Variants in DSP observed in about 807,000 individuals in gnomAD.
DSP encodes the protein desmoplakin.
DSP carries 114 observed loss-of-function variants against 290.6 expected under a neutral mutation model. The observed-to-expected ratio is 0.39, with a 90% CI of 0.34 to 0.46. The LOEUF (loss-of-function observed/expected upper bound fraction) is 0.46. Ranked by LOEUF, DSP falls within the 20% of genes least tolerant of loss-of-function variation. The pLI is 0.99. For missense variants in DSP, 3,230 were observed against 3,495.8 expected (o/e 0.92, Z 1.92); for synonymous variants, 1,311 against 1,316.4 (o/e 1.00, Z 0.09).
intron 1 of DSP, among the ~76,000 whole-genome samples, chr6:7,552,744 T>G (rs1758382405): frequency 6.6e-6 from 1 of 150,678 alleles, no homozygotes; most frequent in African/African-American, 2.4e-5. Flanking sequence ...TGTCAACTGA[T>G]CTCTAGAGAA....
chr6:7,553,632 A>G (rs185220494), intron 1 of DSP, among the ~76,000 whole-genome samples: 1 of 152,198 alleles, frequency 6.6e-6, no homozygotes, highest in African/African-American at 2.4e-5. Flanking sequence ...GTCAGTTGGA[A>G]TTCTGCACAA....
At position 7,574,723 on chromosome 6, in the gene DSP, A is replaced by G. The variant is rs1397865751; in HGVS notation, c.2364A>G (p.Glu788=). The G allele has an allele frequency of 3.1e-6, 5 of 1,614,062 alleles. No individual in the cohort carries two copies. Among genetic ancestry groups the G allele is most frequent in the Non-Finnish European group, 4.2e-6 (5 of 1,180,040 alleles). Residue 788 remains glutamate, a synonymous_variant, in exon 17 of 24, where the codon GAA becomes GAG. Coordinates refer to ENST00000379802, the MANE Select transcript of DSP (RefSeq NM_004415.4). ...CAGAAGACATGTTAAAGGTTTATGAAGCCAGGCTCACTGAGGAGGAAACTG... is the reference window on the plus strand; with the variant it reads ...CAGAAGACATGTTAAAGGTTTATGAGGCCAGGCTCACTGAGGAGGAAACTG... ...LQTEDMLKVY[E]ARLTEEETVC...
In DSP at chr6:7,581,182, G is replaced by C. The variant is rs772302453; in HGVS notation, c.4992G>C (p.Leu1664=). 79 of 1,614,222 alleles carry C rather than the reference G, an allele frequency of 4.9e-5. 1 individual carries two copies. In the South Asian group the frequency reaches 8.5e-4, roughly 17 times the overall value. ...LRRLSSEVEA[L]RRQLLQEQES... ...GGCTCTCTTCTGAGGTCGAGGCCCT[G>C]AGGCGGCAGTTACTCCAGGAACAGG... The change falls in exon 23 of 24, where the codon CTG becomes CTC. Residue 1664 remains leucine, a synonymous_variant. Coordinates refer to ENST00000379802, the MANE Select transcript of DSP (RefSeq NM_004415.4).
rs1429455523 is a variant in DSP, at chr6:7,571,391, A to C, written c.1710A>C (p.Thr570=). Reference sequence around the variant, plus strand: ...TGCCTGTCTCCTTTCAGCTGAAAACAATGCGGCAGGAAGATTACATGAAGA... The same window carrying C: ...TGCCTGTCTCCTTTCAGCTGAAAACCATGCGGCAGGAAGATTACATGAAGA... ...IRAMTIAKLK[T]MRQEDYMKTI... The change falls in exon 14 of 24, where the codon ACA becomes ACC. Residue 570 remains threonine, a synonymous_variant. Transcript: ENST00000379802. The C allele has an allele frequency of 6.2e-7, 1 of 1,614,206 alleles. No homozygotes were observed. The highest frequency in any genetic ancestry group is 1.7e-5 in the Admixed American group (1 of 60,022).
At chr6:7,567,545 G>A (rs1029350339) in intron 9 of DSP, 96 bp downstream of exon 9, 3 of 1,257,290 alleles carry the variant, frequency 2.4e-6, no homozygotes, top group African/African-American at 1.5e-5. Flanking sequence ...TCTTCAAAAT[G>A]TTGCATAAAT....
At chr6:7,572,138 A>T in intron 15 of DSP, 70 bp downstream of exon 15, 1 of 1,374,472 alleles carries the variant, frequency 7.3e-7, no homozygotes, top group South Asian at 1.3e-5. Context: ...AATAAAAAAA[A>T]TCCTGGTTTA....
In DSP at chr6:7,580,350, A is replaced by G; in HGVS notation, c.4160A>G (p.Asp1387Gly). 6.2e-7 allele frequency: 1 copy of G among 1,614,212 alleles called. No individual in the cohort carries two copies. The highest frequency in any genetic ancestry group is 8.5e-7 in the Non-Finnish European group (1 of 1,180,042). ...CAGCTCACCATGCAGAAGGAAGAGG[A>G]TACCAGTGGCTACCGGGCTCAGATA... is the stretch of plus-strand genomic sequence containing the variant. ...IHQLTMQKEE[D>G]TSGYRAQIDN... Residue 1387 changes from aspartate to glycine, a missense_variant, in exon 23 of 24, where the codon GAT becomes GGT. Around this residue, in one of 5 missense-constraint regions of DSP, gnomAD observed 1,714 missense variants for 1,844.5 expected, o/e 0.93. Coordinates refer to ENST00000379802, the MANE Select transcript of DSP (RefSeq NM_004415.4). This position sits in a 1 kb window ranked among gnomAD's most constrained non-coding sequence, Gnocchi z 4.2.
intron 7 of DSP, 140 bp from the exon 8 acceptor site, chr6:7,566,237 C>G: frequency 1.4e-6 from 1 of 739,710 alleles, no homozygotes; most frequent in South Asian, 1.5e-5. Flanking sequence ...TGCTGTGATT[C>G]TTGAGGAAAA....
chr6:7,559,533 T>G, intron 4 of DSP, 133 bp downstream of exon 4: 1 of 1,095,122 alleles, frequency 9.1e-7, no homozygotes. Flanking sequence ...TTTGCAGGAT[T>G]TTCCTCCTAT....
chr6:7,547,057 G>A (rs1758188977), intron 1 of DSP, among the ~76,000 whole-genome samples: 1 of 152,180 alleles, frequency 6.6e-6, no homozygotes, highest in Non-Finnish European at 1.5e-5. Context: ...TTCCAGACCA[G>A]GAGGTTCTAG....
In DSP at chr6:7,579,289, G is replaced by C; in HGVS notation, c.3099G>C (p.Lys1033Asn). The C allele has an allele frequency of 6.2e-7, 1 of 1,614,132 alleles. No individual in the cohort carries two copies. The highest frequency in any genetic ancestry group is 8.5e-7 in the Non-Finnish European group (1 of 1,180,010). The part of the protein sequence containing the change: ...SLEDLKLKNT[K>N]IEVLEEELRL... Reference sequence around the variant, plus strand: ...TCATTCCACAGCTGAAAAATACCAAGATCGAAGTTTTGGAAGAGGAGCTCA... The same window carrying C: ...TCATTCCACAGCTGAAAAATACCAACATCGAAGTTTTGGAAGAGGAGCTCA... Residue 1033 changes from lysine to asparagine, a missense_variant, in exon 23 of 24, where the codon AAG (lysine) becomes AAC (asparagine). By Grantham distance (94) the Lys-to-Asn change is moderately conservative (BLOSUM62 0). Transcript: ENST00000379802. This position sits in a 1 kb window ranked among gnomAD's most constrained non-coding sequence, Gnocchi z 4.1.
In DSP at chr6:7,579,998, G is replaced by A. The variant is rs752768322; in HGVS notation, c.3808G>A (p.Ala1270Thr). 2.5e-6 allele frequency: 4 copies of A among 1,614,164 alleles called. No individual in the cohort carries two copies. Among genetic ancestry groups the A allele is most frequent in the Non-Finnish European group, 3.4e-6 (4 of 1,180,038 alleles). ...ILQATEQRRR[A>T]EENALQQKAC... ...GCAGGCCACTGAGCAGCGAAGGCGA[G>A]CTGAAGAAAACGCCCTTCAGCAAAA... Residue 1270 changes from alanine to threonine, a missense_variant, in exon 23 of 24, where the codon GCT becomes ACT. By Grantham distance (58) the Ala-to-Thr change is moderately conservative. Coordinates refer to ENST00000379802, the MANE Select transcript of DSP (RefSeq NM_004415.4). This position sits in a 1 kb window ranked among gnomAD's most constrained non-coding sequence, Gnocchi z 4.1.
chr6:7,556,261 A>C (rs1248890515), intron 2 of DSP, among the ~76,000 whole-genome samples: 1 of 152,186 alleles, frequency 6.6e-6, no homozygotes, highest in African/African-American at 2.4e-5. Flanking sequence ...GAGAAACAGA[A>C]AAATGGGGAA....
chr6:7,582,687 G>A lies in DSP; in HGVS notation c.5425G>A (p.Val1809Ile), dbSNP rs1157664787. Residue 1809 changes from valine to isoleucine, a missense_variant, in exon 24 of 24, where the codon GTA becomes ATA. Val to Ile is a conservative substitution (Grantham distance 29, BLOSUM62 3). Around this residue, in one of 5 missense-constraint regions of DSP, gnomAD observed 1,714 missense variants for 1,844.5 expected, o/e 0.93. Transcript: ENST00000379802. The surrounding 1 kb of genome is among the most constrained non-coding windows in gnomAD (Gnocchi z 4.2). Reference sequence around the variant, plus strand: ...ATCAAAGAATCAGTGTACTCAGGTGGTACAGGAAAGAGAGAGCCTTCTGGT... The same window carrying A: ...ATCAAAGAATCAGTGTACTCAGGTGATACAGGAAAGAGAGAGCCTTCTGGT... ...QESKNQCTQV[V>I]QERESLLVKI... 1 of 1,613,688 alleles carries A rather than the reference G, an allele frequency of 6.2e-7. No individual in the cohort carries two copies. Among genetic ancestry groups the A allele is most frequent in the African/African-American group, 1.3e-5 (1 of 74,844 alleles).
At position 7,541,797 on chromosome 6, in the gene DSP, T is replaced by C. The variant is rs1757980304; in HGVS notation, c.-119T>C. ...TAGCGAGCAGCGACCTCGCGAGCCTTCCGCACTCCCGCCCGGTTCCCCGGC... is the reference window on the plus strand; with the variant it reads ...TAGCGAGCAGCGACCTCGCGAGCCTCCCGCACTCCCGCCCGGTTCCCCGGC... On this transcript the variant is annotated 5_prime_UTR_variant, in exon 1 of 24. Transcript: ENST00000379802. 2 of 1,343,550 alleles carry C rather than the reference T, an allele frequency of 1.5e-6. No individual in the cohort carries two copies. Among genetic ancestry groups the C allele is most frequent in the South Asian group, 1.5e-5 (1 of 67,878 alleles). The allele number at this position is 1,343,550 out of a possible 1,614,324, so 83.2% of individuals were successfully genotyped here.
At position 7,583,685 on chromosome 6, in the gene DSP, C is replaced by A. The variant is rs1455331228; in HGVS notation, c.6423C>A (p.Val2141=). ...GTGTAGTAGACCCTGTGAACAGTGT[C>A]TTTTTGCCAAAAGATGTCGCCTTGG... ...SGGVVDPVNS[V]FLPKDVALAR... Residue 2141 remains valine, a synonymous_variant, in exon 24 of 24, where the codon GTC becomes GTA. Transcript: ENST00000379802. The surrounding 1 kb of genome is among the most constrained non-coding windows in gnomAD (Gnocchi z 4.0). 1.9e-6 allele frequency: 3 copies of A among 1,613,984 alleles called. No homozygotes were observed. Among genetic ancestry groups the A allele is most frequent in the Non-Finnish European group, 2.5e-6 (3 of 1,180,044 alleles).
Position 7,542,096 on chromosome 6 carries a change from GC to G in DSP, c.170+14del, listed in dbSNP as rs761735500. Reference sequence around the variant, plus strand: ...CTCGGACGGCTACTGGTGGGTACCTGCCCGGAGAGCGCGGGCTGCGGGGCTC... The same window carrying G: ...CTCGGACGGCTACTGGTGGGTACCTGCCGGAGAGCGCGGGCTGCGGGGCTC... On this transcript the variant is annotated intron_variant, in intron 1 of 23. Transcript: ENST00000379802. The G allele has an allele frequency of 6.4e-7, 1 of 1,554,726 alleles. No homozygotes were observed. Among genetic ancestry groups the G allele is most frequent in the African/African-American group, 1.4e-5 (1 of 73,272 alleles).
Position 7,574,781 on chromosome 6 carries a change from C to A in DSP, c.2422C>A (p.Arg808Ser), listed in dbSNP as rs150339369. The A allele has an allele frequency of 6.2e-7, 1 of 1,614,152 alleles. No individual in the cohort carries two copies. ...CLDLDKVEAY[R>S]CGLKKIKNDL... ...GGACCTGGATAAAGTGGAAGCTTAC[C>A]GCTGTGGACTGAAGGTAACTTGAAA... The change falls in exon 17 of 24, where the codon CGC (arginine) becomes AGC (serine). Residue 808 changes from arginine (R) to serine (S), a missense_variant. By Grantham distance (110) the Arg-to-Ser change is moderately radical (BLOSUM62 -1). Transcript: ENST00000379802.
rs772899657 is a variant in DSP, at chr6:7,558,141, A to T, written c.299A>T (p.Gln100Leu). ...GAATTGAAGTATGGAGATGGAATAC[A>T]ACTGACTCGGAGTCGAGAATTGGAT... ...QPELKYGDGI[Q>L]LTRSRELDEC... The change falls in exon 3 of 24, where the codon CAA (glutamine) becomes CTA (leucine). Residue 100 changes from glutamine to leucine, a missense_variant. Gln to Leu is a moderately radical substitution (Grantham distance 113, BLOSUM62 -2). This residue lies in a region of DSP where 646 missense variants were observed against 684.3 expected (regional missense o/e 0.94). Transcript: ENST00000379802. 1.2e-6 allele frequency: 2 copies of T among 1,614,124 alleles called. No individual in the cohort carries two copies. The highest frequency in any genetic ancestry group is 1.7e-6 in the Non-Finnish European group (2 of 1,180,050).
Sources: gnomAD v4.1 joint callset for allele counts (sites outside exome capture counted in the v4.1 genomes callset) on GRCh38, gnomAD v4.1.1 for gene constraint, gnomAD v4.1.1 regional missense constraint, Gnocchi (gnomAD v3.1) non-coding constraint, MANE v1.5 for transcripts, NCBI Gene and HGNC (gene_info 2026-07-23, HGNC 2026-07-21) for gene names.